C1GALT1: variants seen among roughly 807,000 people sequenced by gnomAD.
C1GALT1 encodes core 1 synthase, glycoprotein-N-acetylgalactosamine 3-beta-galactosyltransferase 1, also known as glycoprotein-N-acetylgalactosamine 3-beta-galactosyltransferase 1.
C1GALT1 carries 11 observed loss-of-function variants against 31.0 expected under a neutral mutation model. That is an observed-to-expected ratio of 0.36 (90% CI 0.22 to 0.59). The LOEUF (loss-of-function observed/expected upper bound fraction) is 0.59. Ranked by LOEUF, C1GALT1 falls within the 20% of genes least tolerant of loss-of-function variation. The pLI, the probability that C1GALT1 is intolerant of heterozygous loss-of-function variation, is 0.79. For missense variants in C1GALT1, 424 were observed against 425.2 expected, an observed-to-expected ratio of 1.00 and a Z score of 0.03; for synonymous variants, 175 against 143.6, an observed-to-expected ratio of 1.22 and a Z score of -1.56.
chr7:7,213,835 C>T (rs965293203), intron 1 of C1GALT1, among the ~76,000 whole-genome samples: 1 of 152,154 alleles, frequency 6.6e-6, no homozygotes, highest in Non-Finnish European at 1.5e-5. Flanking sequence ...CCTTAAGACC[C>T]TCTTGCTATG....
rs1191341992 is a variant in C1GALT1 at position 7,203,453 on chromosome 7, A to G, written c.-18+20633A>G. Among the ~76,000 whole-genome samples, 8 of 152,088 alleles carry G rather than the reference A, an allele frequency of 5.3e-5. No homozygotes were observed. The South Asian group carries it at 1.7e-3, about 31-fold the overall frequency. On this transcript the variant is annotated intron_variant, in intron 1 of 3. Transcript: ENST00000436587. The stretch of plus-strand genomic sequence containing the variant: ...TCTGCATCAATTGAGAGGACCATGT[A>G]GGGTTTTTTTTTCCTCCTTAATTCT...
intron 1 of C1GALT1, among the ~76,000 whole-genome samples, chr7:7,232,620 G>A (rs573045556): frequency 6.6e-6 from 1 of 151,996 alleles, no homozygotes; most frequent in Non-Finnish European, 1.5e-5. Context: ...CTCCCAGGTA[G>A]CTGGGATTAC....
intron 1 of C1GALT1, chr7:7,183,482 G>C (rs1264661041): frequency 1.8e-6 from 1 of 550,406 alleles, no homozygotes. Context: ...GGGGCATGGA[G>C]GAGGAAGAAA....
At chr7:7,204,613 TTC>T (rs1481922376) in intron 1 of C1GALT1, among the ~76,000 whole-genome samples, 1 of 152,156 alleles carries the variant, frequency 6.6e-6, no homozygotes, top group Admixed American at 6.5e-5. Context: ...GTTTAGTTTG[TTC>T]TTTTTCTGGT....
At chr7:7,231,527 G>A (rs1423055027) in intron 1 of C1GALT1, among the ~76,000 whole-genome samples, 1 of 151,654 alleles carries the variant, frequency 6.6e-6, no homozygotes, top group Admixed American at 6.6e-5. Context: ...ACTTCATTCT[G>A]CGTATTTTCT....
intron 1 of C1GALT1, among the ~76,000 whole-genome samples, chr7:7,219,960 A>G (rs188325475): frequency 1.1e-4 from 16 of 152,312 alleles, no homozygotes; most frequent in African/African-American, 3.6e-4. Flanking sequence ...CTTAATTTAC[A>G]TAATTTTACC....
chr7:7,205,955 G>T (rs551760198), intron 1 of C1GALT1, among the ~76,000 whole-genome samples: 18 of 152,044 alleles, frequency 1.2e-4, no homozygotes, highest in African/African-American at 4.1e-4. Context: ...GTGCTTTGTA[G>T]CTATTTTGTC....
At position 7,232,770 on chromosome 7, in the gene C1GALT1, G is replaced by A. The variant is rs113767562; in HGVS notation, c.-17-1533G>A. ...CTCCCAAAGTGCTAGGATTACAGGCGTGAGCCACCACGCCCAGCCGGGCAT... is the reference window on the plus strand; with the variant it reads ...CTCCCAAAGTGCTAGGATTACAGGCATGAGCCACCACGCCCAGCCGGGCAT... On this transcript the variant is annotated intron_variant, in intron 1 of 3. Coordinates refer to ENST00000436587, the MANE Select transcript of C1GALT1 (RefSeq NM_020156.5). 2.2e-3 allele frequency among the ~76,000 whole-genome samples: 334 copies of A among 152,242 alleles called. 3 individuals carry two copies. The highest frequency in any genetic ancestry group is 3.9e-3 in the Non-Finnish European group (264 of 68,016).
intron 2 of C1GALT1, among the ~76,000 whole-genome samples, chr7:7,236,205 C>A (rs973402482): frequency 6.6e-6 from 1 of 152,120 alleles, no homozygotes; most frequent in African/African-American, 2.4e-5. Context: ...GACTGAATTC[C>A]TCTGCAGCAG....
At chr7:7,210,065 A>AT (rs1781921247) in intron 1 of C1GALT1, among the ~76,000 whole-genome samples, 1 of 151,888 alleles carries the variant, frequency 6.6e-6, no homozygotes, top group Non-Finnish European at 1.5e-5. Flanking sequence ...TTCTTTTGTG[A>AT]TTTTTCAGTT....
intron 1 of C1GALT1, among the ~76,000 whole-genome samples, chr7:7,216,397 T>C (rs1271854913): frequency 1.3e-5 from 2 of 152,070 alleles, no homozygotes; most frequent in African/African-American, 2.4e-5. Context: ...AACTAAGTAA[T>C]GGGGCTAACC....
At chr7:7,168,041 G>C (rs973308828) in intron 2 of C1GALT1, among the ~76,000 whole-genome samples, 2 of 152,066 alleles carry the variant, frequency 1.3e-5, no homozygotes, top group African/African-American at 2.4e-5. Context: ...ATTTCACAGG[G>C]GAATGAACAA....
chr7:7,194,717 C>G (rs1013080517), intron 1 of C1GALT1, among the ~76,000 whole-genome samples: 1 of 151,900 alleles, frequency 6.6e-6, no homozygotes, highest in Non-Finnish European at 1.5e-5. Flanking sequence ...TTTCCTCTTT[C>G]TCTGTATTGT....
intron 1 of C1GALT1, among the ~76,000 whole-genome samples, chr7:7,187,446 G>C (rs973593765): frequency 6.6e-6 from 1 of 151,340 alleles, no homozygotes; most frequent in Admixed American, 6.6e-5. Flanking sequence ...TTTTAGTAGA[G>C]ACAGGGGAGA....
intron 1 of C1GALT1, among the ~76,000 whole-genome samples, chr7:7,204,992 A>G (rs1781676661): frequency 6.6e-6 from 1 of 152,142 alleles, no homozygotes; most frequent in African/African-American, 2.4e-5. Flanking sequence ...TGAGAACAAT[A>G]TGTATTTGGT....
At chr7:7,184,235 G>A (rs959132939) in intron 1 of C1GALT1, among the ~76,000 whole-genome samples, 1 of 152,166 alleles carries the variant, frequency 6.6e-6, no homozygotes, top group African/African-American at 2.4e-5. Flanking sequence ...TATGGTAAGT[G>A]AAACAATGAC....
intron 3 of C1GALT1, among the ~76,000 whole-genome samples, chr7:7,243,053 A>C (rs1159756938): frequency 1.3e-5 from 2 of 152,112 alleles, no homozygotes; most frequent in Non-Finnish European, 2.9e-5. Context: ...TGATACATAT[A>C]TAGATGAAGT....
At chr7:7,173,210 A>C (rs1315673115) in intron 2 of C1GALT1, among the ~76,000 whole-genome samples, 1 of 152,052 alleles carries the variant, frequency 6.6e-6, no homozygotes, top group Non-Finnish European at 1.5e-5. Flanking sequence ...GCTCTGGTTC[A>C]CATGAGATCT....
chr7:7,192,765 C>A (rs1227667530), intron 1 of C1GALT1, among the ~76,000 whole-genome samples: 5 of 152,064 alleles, frequency 3.3e-5, no homozygotes, highest in Non-Finnish European at 7.4e-5. Context: ...GTTTACATTC[C>A]CAGCAGCAGT....
Sources: allele counts gnomAD v4.1 joint callset (sites outside exome capture counted in the v4.1 genomes callset), GRCh38; gene constraint gnomAD v4.1.1; transcripts MANE v1.5; gene names NCBI Gene and HGNC (gene_info 2026-07-23, HGNC 2026-07-21).